GNAQ: variants seen among roughly 807,000 people sequenced by gnomAD.
The protein encoded by GNAQ is G protein subunit alpha q, also known as guanine nucleotide-binding protein G(q) subunit alpha.
GNAQ carries 8 observed loss-of-function variants against 43.9 expected under a neutral mutation model. That is an observed-to-expected ratio of 0.18 (90% CI 0.11 to 0.33). GNAQ has a LOEUF of 0.33. Ranked by LOEUF, GNAQ falls within the 10% of genes least tolerant of loss-of-function variation. The pLI is 1.00. For synonymous variants in GNAQ, 155 were observed against 170.7 expected, an observed-to-expected ratio of 0.91 and a Z score of 0.71; for missense variants, 158 against 450.8, an observed-to-expected ratio of 0.35 and a Z score of 5.88.
intron 2 of GNAQ, among the ~76,000 whole-genome samples, chr9:77,852,456 C>T (rs1030805649): frequency 6.6e-6 from 1 of 152,200 alleles, no homozygotes; most frequent in Admixed American, 6.5e-5. Context: ...TCAACCTGTT[C>T]TGCCTGCCAA....
At chr9:77,940,763 C>T (rs938868825) in intron 1 of GNAQ, among the ~76,000 whole-genome samples, 2 of 151,884 alleles carry the variant, frequency 1.3e-5, no homozygotes, top group East Asian at 1.9e-4. Flanking sequence ...GTCAGGAGAT[C>T]GAGACCATCC....
intron 2 of GNAQ, among the ~76,000 whole-genome samples, chr9:77,893,850 T>C (rs1456400442): frequency 6.6e-6 from 1 of 152,150 alleles, no homozygotes; most frequent in Non-Finnish European, 1.5e-5. Flanking sequence ...CATTAGAGGG[T>C]ACAGCCTCAG....
chr9:77,885,424 A>G (rs375234512), intron 2 of GNAQ, among the ~76,000 whole-genome samples: 2 of 152,182 alleles, frequency 1.3e-5, no homozygotes, highest in African/African-American at 4.8e-5. Context: ...TTTTCTTTCT[A>G]TTTGTTAAGG....
intron 1 of GNAQ, among the ~76,000 whole-genome samples, chr9:77,963,232 A>G (rs1823127260): frequency 6.6e-6 from 1 of 152,228 alleles, no homozygotes; most frequent in Non-Finnish European, 1.5e-5. Context: ...TGCTGAAGAT[A>G]AGGCCCACAA....
chr9:78,008,205 C>T (rs1445065597), intron 1 of GNAQ, among the ~76,000 whole-genome samples: 1 of 152,188 alleles, frequency 6.6e-6, no homozygotes, highest in Non-Finnish European at 1.5e-5. Flanking sequence ...GAAAGATGGC[C>T]CCTGTAAAGG....
chr9:77,861,542 T>C (rs193191531), intron 2 of GNAQ, among the ~76,000 whole-genome samples: 1 of 152,246 alleles, frequency 6.6e-6, no homozygotes, highest in East Asian at 1.9e-4. Context: ...CTAGATACAA[T>C]GCGGGTACAG....
chr9:77,806,894 T>C (rs1826838922), intron 3 of GNAQ, among the ~76,000 whole-genome samples: 1 of 152,068 alleles, frequency 6.6e-6, no homozygotes, highest in African/African-American at 2.4e-5. Flanking sequence ...ACAATGCAGA[T>C]GTAATATGGG....
intron 2 of GNAQ, among the ~76,000 whole-genome samples, chr9:77,858,086 C>G (rs1408632528): frequency 1.3e-5 from 2 of 152,150 alleles, no homozygotes; most frequent in Non-Finnish European, 2.9e-5. Flanking sequence ...GCTTTTCAAT[C>G]TCCCCTTCCT....
intron 3 of GNAQ, among the ~76,000 whole-genome samples, chr9:77,814,357 G>C (rs866128932): frequency 3.9e-5 from 6 of 151,962 alleles, no homozygotes; most frequent in Non-Finnish European, 5.9e-5. Context: ...CTATATGAAG[G>C]TATGGAAGAA....
chr9:77,836,339 A>C (rs976732539), intron 2 of GNAQ, among the ~76,000 whole-genome samples: 1 of 152,182 alleles, frequency 6.6e-6, no homozygotes, highest in African/African-American at 2.4e-5. Flanking sequence ...GGAGTAAGAA[A>C]GTTGTAGGAT....
intron 1 of GNAQ, among the ~76,000 whole-genome samples, chr9:77,993,470 G>T (rs561332082): frequency 6.6e-6 from 1 of 152,120 alleles, no homozygotes; most frequent in African/African-American, 2.4e-5. Flanking sequence ...AGGCTGAGGC[G>T]GGCAGATCAC....
chr9:77,890,998 T>C (rs1828396833), intron 2 of GNAQ, among the ~76,000 whole-genome samples: 1 of 152,166 alleles, frequency 6.6e-6, no homozygotes, highest in Non-Finnish European at 1.5e-5. Flanking sequence ...ATGCAAAAGA[T>C]ATGGTATAGC....
At chr9:77,903,713 GTGTA>G (rs751469145) in intron 2 of GNAQ, among the ~76,000 whole-genome samples, 7 of 152,052 alleles carry the variant, frequency 4.6e-5, no homozygotes, top group Non-Finnish European at 5.9e-5. Context: ...GCACAAGTGT[GTGTA>G]TGTATGTGTG....
At chr9:78,028,363 T>G (rs1564183189) in intron 1 of GNAQ, among the ~76,000 whole-genome samples, 4 of 152,186 alleles carry the variant, frequency 2.6e-5, no homozygotes, top group African/African-American at 9.7e-5. Flanking sequence ...CTGGCATAGT[T>G]GCCGAATATA....
intron 1 of GNAQ, among the ~76,000 whole-genome samples, chr9:77,982,512 G>A (rs1173168693): frequency 2.6e-5 from 4 of 152,040 alleles, no homozygotes; most frequent in African/African-American, 9.7e-5. Context: ...ATGACATGGG[G>A]GACGGGGAGA....
At chr9:77,991,872 T>A (rs1823512229) in intron 1 of GNAQ, among the ~76,000 whole-genome samples, 1 of 152,224 alleles carries the variant, frequency 6.6e-6, no homozygotes, top group Admixed American at 6.5e-5. Context: ...TCCAGCTCCA[T>A]CCAAGTTGCT....
chr9:77,808,677 G>A (rs994382714), intron 3 of GNAQ, among the ~76,000 whole-genome samples: 1 of 151,966 alleles, frequency 6.6e-6, no homozygotes, highest in African/African-American at 2.4e-5. Flanking sequence ...AGAATCAAAG[G>A]ACTTCAGAAT....
chr9:78,017,964 T>C (rs1823859451), intron 1 of GNAQ, among the ~76,000 whole-genome samples: 2 of 152,174 alleles, frequency 1.3e-5, no homozygotes, highest in African/African-American at 2.4e-5. Flanking sequence ...TTGTTCATGA[T>C]GCTGGAAACT....
At chr9:77,831,691 G>A (rs1219623642) in intron 2 of GNAQ, among the ~76,000 whole-genome samples, 1 of 152,082 alleles carries the variant, frequency 6.6e-6, no homozygotes, top group Non-Finnish European at 1.5e-5. Context: ...ATATTACTGT[G>A]CCTGTAAAAA....
Sources: gnomAD v4.1 joint callset for allele counts (sites outside exome capture counted in the v4.1 genomes callset) on GRCh38, gnomAD v4.1.1 for gene constraint, MANE v1.5 for transcripts, NCBI Gene and HGNC (gene_info 2026-07-23, HGNC 2026-07-21) for gene names.